The following ANKS1B variants were observed in gnomAD, a reference collection of about 807,000 sequenced individuals.
ANKS1B encodes ankyrin repeat and sterile alpha motif domain containing 1B, also known as ankyrin repeat and sterile alpha motif domain-containing protein 1B.
A neutral mutation model predicts 148.3 loss-of-function variants in ANKS1B; 36 were observed. The observed-to-expected ratio is 0.24, with a 90% CI of 0.19 to 0.32. The LOEUF (loss-of-function observed/expected upper bound fraction) is 0.32, where lower values mean the gene tolerates loss of function less well. Ranked by LOEUF, ANKS1B falls within the 10% of genes least tolerant of loss-of-function variation. ANKS1B has a pLI of 1.00. For synonymous variants in ANKS1B, 542 were observed against 560.8 expected (o/e 0.97, Z 0.47); for missense variants, 1,157 against 1,542.6 (o/e 0.75, Z 4.19).
At chr12:99,477,858 G>C (rs2096350763) in intron 10 of ANKS1B, among the ~76,000 whole-genome samples, 2 of 151,978 alleles carry the variant, frequency 1.3e-5, no homozygotes, top group Non-Finnish European at 2.9e-5. Context: ...TGACCCACAG[G>C]GAAATTTCTC....
chr12:98,917,784 G>A (rs2099796391), intron 17 of ANKS1B, among the ~76,000 whole-genome samples: 1 of 152,210 alleles, frequency 6.6e-6, no homozygotes, highest in Admixed American at 6.5e-5. Context: ...GGGAGAATGA[G>A]GAGGAAGGGA....
In ANKS1B at chr12:98,822,421, A is replaced by G. The variant is rs561970383; in HGVS notation, c.3066+6753T>C. ...ACCCAAGAACTGGACTGCATGTAAT[A>G]AGAAACATTCTGAAAATTTAACAAG... On this transcript the variant is annotated intron_variant, in intron 19 of 26. Coordinates refer to ENST00000683438, the MANE Select transcript of ANKS1B (RefSeq NM_001352186.2). Among the ~76,000 whole-genome samples, 17 of 152,302 alleles carry G rather than the reference A, an allele frequency of 1.1e-4. No homozygotes were observed. In the South Asian group the frequency reaches 3.5e-3, roughly 32 times the overall value.
intron 12 of ANKS1B, among the ~76,000 whole-genome samples, chr12:99,305,682 A>G (rs1169380011): frequency 6.6e-6 from 1 of 152,104 alleles, no homozygotes; most frequent in Non-Finnish European, 1.5e-5. Context: ...CAAATAGGGG[A>G]TTCTCTCTAT....
chr12:99,010,565 C>G (rs1181092659), intron 17 of ANKS1B, among the ~76,000 whole-genome samples: 1 of 151,900 alleles, frequency 6.6e-6, no homozygotes, highest in Non-Finnish European at 1.5e-5. Context: ...TTACAATATC[C>G]CTATTTTGCA....
Position 99,689,796 on chromosome 12 carries a change from A to G in ANKS1B, c.1129-34586T>C, listed in dbSNP as rs999478896. On this transcript the variant is annotated intron_variant, in intron 8 of 26. Transcript: ENST00000683438. ...ATAGAGGCCTCAGTTCTACAACCTC[A>G]GAAGTGAATTTAACCAAAAACACAT... 2.8e-4 allele frequency among the ~76,000 whole-genome samples: 43 copies of G among 152,214 alleles called. 1 individual carries two copies. The highest frequency in any genetic ancestry group is 4.1e-4 in the South Asian group (2 of 4,832).
intron 12 of ANKS1B, among the ~76,000 whole-genome samples, chr12:99,296,135 A>G (rs577706413): frequency 6.6e-6 from 1 of 152,292 alleles, no homozygotes; most frequent in East Asian, 1.9e-4. Flanking sequence ...TTAAAAATCA[A>G]TTAACCATAT....
intron 12 of ANKS1B, among the ~76,000 whole-genome samples, chr12:99,291,026 C>T (rs1417176412): frequency 1.3e-5 from 2 of 151,732 alleles, no homozygotes; most frequent in Non-Finnish European, 3.0e-5. Context: ...GTGGAAAAAC[C>T]CAAACTAATT....
At chr12:98,848,559 A>ATTT (rs199611015) in intron 17 of ANKS1B, among the ~76,000 whole-genome samples, 1 of 136,506 alleles carries the variant, frequency 7.3e-6, no homozygotes. Context: ...GTAATTTGTG[A>ATTT]TTTTTTTTTT....
At chr12:99,511,514 T>C (rs2096765951) in intron 9 of ANKS1B, among the ~76,000 whole-genome samples, 1 of 152,034 alleles carries the variant, frequency 6.6e-6, no homozygotes, top group African/African-American at 2.4e-5. Flanking sequence ...GACAATGCTA[T>C]TCCCATTAAA....
intron 19 of ANKS1B, among the ~76,000 whole-genome samples, chr12:98,827,418 A>G (rs2099258306): frequency 6.6e-6 from 1 of 152,168 alleles, no homozygotes; most frequent in Admixed American, 6.5e-5. Flanking sequence ...CAGCCTGCTT[A>G]TCTCACTCTG....
rs570367243 is a variant in ANKS1B, at chr12:99,125,875, C to T, written c.2526+28414G>A. Among the ~76,000 whole-genome samples the T allele has an allele frequency of 2.0e-5, 3 of 151,666 alleles. No homozygotes were observed. The East Asian group carries it at 5.8e-4, about 30-fold the overall frequency. The stretch of plus-strand genomic sequence containing the variant: ...TACTTTCAAAAATATTTGAAAGCAG[C>T]CAGATATTTCTGTCTATAAAAAGAA... On this transcript the variant is annotated intron_variant, in intron 15 of 26. Transcript: ENST00000683438.
intron 17 of ANKS1B, among the ~76,000 whole-genome samples, chr12:99,001,550 A>G (rs1394706657): frequency 6.6e-6 from 1 of 150,558 alleles, no homozygotes; most frequent in East Asian, 1.9e-4. Context: ...CAAAAATTGT[A>G]TATATTTGAG....
chr12:99,620,787 G>T (rs2153371941), intron 9 of ANKS1B, among the ~76,000 whole-genome samples: 1 of 152,200 alleles, frequency 6.6e-6, no homozygotes, highest in East Asian at 1.9e-4. Context: ...TGAATTATTG[G>T]CATTGATGAG....
At chr12:99,742,436 A>T (rs1601177337) in intron 8 of ANKS1B, among the ~76,000 whole-genome samples, 1 of 152,158 alleles carries the variant, frequency 6.6e-6, no homozygotes, top group East Asian at 1.9e-4. Flanking sequence ...TTAAGAAACA[A>T]CATAACAAAG....
chr12:99,909,258 G>C (rs2093913112), intron 1 of ANKS1B, among the ~76,000 whole-genome samples: 1 of 144,456 alleles, frequency 6.9e-6, no homozygotes, highest in Non-Finnish European at 1.5e-5. Context: ...GTGTGTGTGT[G>C]TGTGTGTGTA....
chr12:99,769,478 CA>C (rs2153617683), intron 8 of ANKS1B, among the ~76,000 whole-genome samples: 1 of 152,232 alleles, frequency 6.6e-6, no homozygotes, highest in South Asian at 2.1e-4. Context: ...TTTTATTTTC[CA>C]AAAATGTCAC....
chr12:98,762,770 G>A (rs905775128), intron 25 of ANKS1B, among the ~76,000 whole-genome samples: 1 of 152,148 alleles, frequency 6.6e-6, no homozygotes, highest in Non-Finnish European at 1.5e-5. Context: ...TACTTACCAC[G>A]TGGTATTTAT....
At chr12:99,943,591 T>C (rs530668028) in intron 1 of ANKS1B, among the ~76,000 whole-genome samples, 1 of 152,236 alleles carries the variant, frequency 6.6e-6, no homozygotes, top group South Asian at 2.1e-4. Flanking sequence ...AGAAAACTTG[T>C]GTAAGAGAAC....
chr12:99,649,808 TCTCTCTGCTACTCAAAGGCTGA>T (rs563315619), intron 9 of ANKS1B: 2,822 of 157,844 alleles, frequency 0.018, 87 homozygotes, highest in African/African-American at 0.064. Context: ...ATTGACAGTA[TCTCTCTGCTACTCAAAGGCTGA>T]CTCTCTGCTA....
Sources: gnomAD v4.1 joint callset for allele counts (sites outside exome capture counted in the v4.1 genomes callset) on GRCh38, gnomAD v4.1.1 for gene constraint, MANE v1.5 for transcripts, NCBI Gene and HGNC (gene_info 2026-07-23, HGNC 2026-07-21) for gene names.